Variants in BOLA3 observed in about 807,000 individuals in gnomAD.
The protein encoded by BOLA3 is bolA family member 3.
A neutral mutation model predicts 14.5 loss-of-function variants in BOLA3; 8 were observed. That is an observed-to-expected ratio of 0.55 (90% confidence interval 0.32 to 0.99). The LOEUF (loss-of-function observed/expected upper bound fraction) is 0.99. Ranked by LOEUF, BOLA3 falls within the 50% of genes least tolerant of loss-of-function variation. The pLI, the probability that BOLA3 is intolerant of heterozygous loss-of-function variation, is 0.04. For missense variants in BOLA3, 115 were observed against 138.2 expected (o/e 0.83, Z 0.84); for synonymous variants, 42 against 45.7 (o/e 0.92, Z 0.33).
Position 74,135,811 on chromosome 2 carries a change from T to A in BOLA3, c.259-153A>T, listed in dbSNP as rs141206567. Among the ~76,000 whole-genome samples, 26 of 152,324 alleles carry A rather than the reference T, an allele frequency of 1.7e-4. 1 individual carries two copies. In the East Asian group the frequency reaches 2.9e-3, roughly 17 times the overall value. ...CCTTTTTTTGAAAAACAATTTTTTT[T>A]AAATCAATAATATCTAACATGATTT... On this transcript the variant is annotated intron_variant, in intron 3 of 3. Coordinates refer to ENST00000327428, the MANE Select transcript of BOLA3 (RefSeq NM_212552.3).
At position 74,147,861 on chromosome 2, in the gene BOLA3, C is replaced by G; in HGVS notation, c.14G>C (p.Ser5Thr). Residue 5 changes from serine (S) to threonine (T), a missense_variant, in exon 1 of 4, where the codon AGC (serine) becomes ACC (threonine). By Grantham distance (58) the Ser-to-Thr change is moderately conservative. Transcript: ENST00000327428. MAAW[S>T]PAAAAPLLRG... Reference sequence around the variant, plus strand: ...GAGGAGAGGCGCTGCCGCGGCCGGGCTCCATGCAGCCATGCCCGGCCGACG... The same window carrying G: ...GAGGAGAGGCGCTGCCGCGGCCGGGGTCCATGCAGCCATGCCCGGCCGACG... The G allele has an allele frequency of 6.6e-7, 1 of 1,524,466 alleles. No homozygotes were observed. The highest frequency in any genetic ancestry group is 2.5e-5 in the East Asian group (1 of 39,588). 94.4% of individuals were successfully genotyped at this position (1,524,466 alleles called of 1,614,324 possible). A position where few individuals can be genotyped will look rare whatever the true frequency, so the allele number is the denominator to read the frequency against.
intron 2 of BOLA3, among the ~76,000 whole-genome samples, chr2:74,142,697 G>A (rs1380542267): frequency 6.6e-6 from 1 of 152,210 alleles, no homozygotes; most frequent in Non-Finnish European, 1.5e-5. Context: ...CACGGAAGAG[G>A]ATGAGAAGGA....
At chr2:74,140,299 GTA>G (rs1692416003) in intron 3 of BOLA3, among the ~76,000 whole-genome samples, 1 of 152,060 alleles carries the variant, frequency 6.6e-6, no homozygotes, top group Non-Finnish European at 1.5e-5. Context: ...AAAAAAAGAA[GTA>G]TATATTTTTA....
chr2:74,146,045 T>C (rs1176269159), intron 1 of BOLA3: 2 of 150,370 alleles, frequency 1.3e-5, no homozygotes, highest in Non-Finnish European at 3.0e-5. Flanking sequence ...CAGGCTGGAG[T>C]GCAGTGGCAC....
intron 3 of BOLA3, among the ~76,000 whole-genome samples, chr2:74,138,864 C>T (rs1189158831): frequency 1.3e-5 from 2 of 152,044 alleles, no homozygotes; most frequent in Non-Finnish European, 2.9e-5. Flanking sequence ...CAATATGAGG[C>T]TCAAATCTCA....
chr2:74,140,150 G>A lies in BOLA3; in HGVS notation c.258+2122C>T, dbSNP rs1041046402. On this transcript the variant is annotated intron_variant, in intron 3 of 3. Transcript: ENST00000327428. ...AATACTAAAATTAGCCAGGTGTGGT[G>A]GCGGGCGCCTGTAGTCCCAGCTACT... 1.2e-4 allele frequency among the ~76,000 whole-genome samples: 18 copies of A among 152,124 alleles called. 1 individual carries two copies. Among genetic ancestry groups the A allele is most frequent in the Non-Finnish European group, 2.4e-4 (16 of 68,012 alleles).
rs746179125 is a variant in BOLA3 at position 74,145,287 on chromosome 2, C to T, written c.71G>A (p.Arg24Gln). 5.0e-6 allele frequency: 8 copies of T among 1,604,524 alleles called. No individual in the cohort carries two copies. Among genetic ancestry groups the T allele is most frequent in the Admixed American group, 1.7e-5 (1 of 60,010 alleles). Residue 24 changes from arginine to glutamine, a missense_variant, in exon 2 of 4, where the codon CGG becomes CAG. By Grantham distance (43) the Arg-to-Gln change is conservative. Transcript: ENST00000327428. ...RGIRGLPLHH[R>Q]MFATQTEGEL... ...CCCCTCAGTCTGAGTGGCAAACATC[C>T]GATGGTGAAGTGGAAGCTGCCACAG...
In BOLA3 at chr2:74,135,642, A is replaced by G. The variant is rs941523861; in HGVS notation, c.275T>C (p.Ile92Thr). 12 of 1,613,454 alleles carry G rather than the reference A, an allele frequency of 7.4e-6. No homozygotes were observed. The highest frequency in any genetic ancestry group is 2.2e-5 in the East Asian group (1 of 44,858). Reference protein sequence around the residue: ...QMVNQALKEEIKEMHGLRIFT... With the variant: ...QMVNQALKEETKEMHGLRIFT... ...TATCCGCAATCCATGCATCTCTTTG[A>G]TTTCTTCTTTTAGTGCCTAAGTAAG... The change falls in exon 4 of 4, where the codon ATC (isoleucine) becomes ACC (threonine). Residue 92 changes from isoleucine (I) to threonine (T), a missense_variant. Physicochemically the swap from Ile to Thr is moderately conservative, Grantham distance 89. Transcript: ENST00000327428.
intron 3 of BOLA3, among the ~76,000 whole-genome samples, chr2:74,137,148 C>T (rs1427896880): frequency 6.6e-6 from 1 of 152,150 alleles, no homozygotes. Context: ...CTGGTGGAAC[C>T]ACCAATTGGT....
Position 74,145,210 on chromosome 2 carries a change from T to C in BOLA3, c.148A>G (p.Ile50Val), listed in dbSNP as rs190926384. Residue 50 changes from isoleucine to valine, a missense_variant, in exon 2 of 4, where the codon ATA (isoleucine) becomes GTA (valine). By Grantham distance (29) the Ile-to-Val change is conservative. Transcript: ENST00000327428. ...LKEKFPRATA[I>V]KVTDISGGCG... ...TTACCTGAAATGTCAGTGACTTTTATAGCTGTAGCTCGTGGAAACTTTTCT... is the reference window on the plus strand; with the variant it reads ...TTACCTGAAATGTCAGTGACTTTTACAGCTGTAGCTCGTGGAAACTTTTCT... The C allele has an allele frequency of 2.5e-6, 4 of 1,598,652 alleles. No individual in the cohort carries two copies. Among genetic ancestry groups the C allele is most frequent in the African/African-American group, 2.7e-5 (2 of 74,776 alleles).
chr2:74,136,344 A>G (rs184244909), intron 3 of BOLA3, among the ~76,000 whole-genome samples: 6 of 152,338 alleles, frequency 3.9e-5, no homozygotes, highest in Admixed American at 2.0e-4. Flanking sequence ...TAAAACGCAA[A>G]TGGTTAAAAT....
At chr2:74,141,559 G>T (rs1242651595) in intron 3 of BOLA3, among the ~76,000 whole-genome samples, 2 of 152,006 alleles carry the variant, frequency 1.3e-5, no homozygotes, top group Non-Finnish European at 2.9e-5. Context: ...CGCAGAGAAG[G>T]GTGGGGGGAA....
chr2:74,141,274 AG>A (rs1261126070), intron 3 of BOLA3, among the ~76,000 whole-genome samples: 2 of 151,780 alleles, frequency 1.3e-5, no homozygotes, highest in Admixed American at 1.3e-4. Flanking sequence ...TGGATCCCAA[AG>A]GGCACTGGTC....
rs1190037812 is a variant in BOLA3 at position 74,135,441 on chromosome 2, C to G, written c.*152G>C. 8.2e-7 allele frequency: 1 copy of G among 1,223,764 alleles called. No homozygotes were observed. The highest frequency in any genetic ancestry group is 1.2e-6 in the Non-Finnish European group (1 of 840,808). 75.8% of individuals were successfully genotyped at this position (1,223,764 alleles called of 1,614,324 possible). A position where few individuals can be genotyped will look rare whatever the true frequency, so the allele number is the denominator to read the frequency against. On this transcript the variant is annotated 3_prime_UTR_variant, in exon 4 of 4. Transcript: ENST00000327428. ...TCAGTTGTTTGTTTCCTTTAATTAA[C>G]ATCTAAATAGATTATACATCTTCTA...
At chr2:74,135,910 C>T (rs1402504522) in intron 3 of BOLA3, among the ~76,000 whole-genome samples, 1 of 151,736 alleles carries the variant, frequency 6.6e-6, no homozygotes, top group Non-Finnish European at 1.5e-5. Context: ...AGTTTCCACC[C>T]TTGTTCCCAA....
chr2:74,135,453 T>C lies in BOLA3; in HGVS notation c.*140A>G. 7.9e-7 allele frequency: 1 copy of C among 1,263,560 alleles called. No individual in the cohort carries two copies. Among genetic ancestry groups the C allele is most frequent in the Non-Finnish European group, 1.1e-6 (1 of 872,016 alleles). The allele number at this position is 1,263,560 out of a possible 1,614,324, so 78.3% of individuals were successfully genotyped here. A position where few individuals can be genotyped will look rare whatever the true frequency, so the allele number is the denominator to read the frequency against. On this transcript the variant is annotated 3_prime_UTR_variant, in exon 4 of 4. Coordinates refer to ENST00000327428, the MANE Select transcript of BOLA3 (RefSeq NM_212552.3). ...TTCCTTTAATTAACATCTAAATAGATTATACATCTTCTATAATTATAATAT... is the reference window on the plus strand; with the variant it reads ...TTCCTTTAATTAACATCTAAATAGACTATACATCTTCTATAATTATAATAT...
chr2:74,141,388 G>A (rs1403980149), intron 3 of BOLA3, among the ~76,000 whole-genome samples: 1 of 152,116 alleles, frequency 6.6e-6, no homozygotes, highest in Non-Finnish European at 1.5e-5. Context: ...GGGGAGGGTG[G>A]GGGAACGGCA....
intron 2 of BOLA3, among the ~76,000 whole-genome samples, chr2:74,142,995 CT>C (rs1692475252): frequency 6.6e-6 from 1 of 152,178 alleles, no homozygotes; most frequent in African/African-American, 2.4e-5. Context: ...CATCCACCCC[CT>C]GCCTGAGCTT....
At chr2:74,135,699 C>T (rs566060433) in intron 3 of BOLA3, 41 bp from the exon 4 acceptor site, 20 of 1,346,698 alleles carry the variant, frequency 1.5e-5, no homozygotes, top group South Asian at 5.8e-5. Flanking sequence ...GTGTATTTGA[C>T]GTTGATTACA....
Sources: allele counts gnomAD v4.1 joint callset (sites outside exome capture counted in the v4.1 genomes callset), GRCh38; gene constraint gnomAD v4.1.1; transcripts MANE v1.5; gene names NCBI Gene and HGNC (gene_info 2026-07-23, HGNC 2026-07-21).